Variants in A2M observed in about 807,000 individuals in gnomAD.
A2M encodes the protein alpha-2-macroglobulin.
In A2M, 128 loss-of-function variants were observed where a neutral mutation model predicts 183.9. That is an observed-to-expected ratio of 0.70 (90% CI 0.60 to 0.81). A2M has a LOEUF of 0.81. A2M is among the 30% of genes least tolerant of loss of function. A2M has a pLI of 0.00. For synonymous variants in A2M, 592 were observed against 670.8 expected (o/e 0.88, Z 1.81); for missense variants, 1,495 against 1,787.6 (o/e 0.84, Z 2.95).
At chr12:9,069,373 G>GT (rs1421851441) in intron 33 of A2M, among the ~76,000 whole-genome samples, 1 of 151,924 alleles carries the variant, frequency 6.6e-6, no homozygotes. Flanking sequence ...GAGACTGACA[G>GT]TTTTTTTTCC....
chr12:9,105,958 G>A (rs1362026931), intron 10 of A2M, among the ~76,000 whole-genome samples: 2 of 152,102 alleles, frequency 1.3e-5, no homozygotes, highest in African/African-American at 4.8e-5. Flanking sequence ...TGAGTGACTT[G>A]TACAATGCTG....
intron 17 of A2M, among the ~76,000 whole-genome samples, chr12:9,094,091 G>A (rs1323483107): frequency 6.6e-6 from 1 of 151,938 alleles, no homozygotes; most frequent in African/African-American, 2.4e-5. Context: ...ACACAAGGCC[G>A]TGAAGAGGGG....
chr12:9,078,786 C>T (rs1425571910), intron 25 of A2M, among the ~76,000 whole-genome samples: 2 of 152,174 alleles, frequency 1.3e-5, no homozygotes, highest in Non-Finnish European at 2.9e-5. Flanking sequence ...TTTAATATTG[C>T]TTTACTTTAG....
At chr12:9,110,250 A>C in intron 5 of A2M, 64 bp downstream of exon 5, 1 of 1,323,146 alleles carries the variant, frequency 7.6e-7, no homozygotes, top group Non-Finnish European at 1.0e-6. Context: ...AAACCTCTGA[A>C]ATAAGAACAT....
At chr12:9,094,422 T>C (rs958016758) in intron 17 of A2M, among the ~76,000 whole-genome samples, 55 of 148,162 alleles carry the variant, frequency 3.7e-4, no homozygotes, top group African/African-American at 1.3e-3. Context: ...TAAAGGATTA[T>C]ACAATATAAT....
intron 27 of A2M, 147 bp from the exon 28 acceptor site, chr12:9,077,083 T>C: frequency 2.7e-6 from 2 of 735,190 alleles, no homozygotes; most frequent in Non-Finnish European, 4.2e-6. Flanking sequence ...AATATTATTT[T>C]TATCTGTTAT....
At chr12:9,106,695 G>A in intron 8 of A2M, 90 bp from the exon 9 acceptor site, 52 of 598,272 alleles carry the variant, frequency 8.7e-5, no homozygotes, top group Middle Eastern at 8.6e-4. Flanking sequence ...TTTTGTGGGG[G>A]GACAACATCA....
intron 29 of A2M, 37 bp from the exon 30 acceptor site, chr12:9,072,908 A>AT: frequency 6.4e-7 from 1 of 1,563,576 alleles, no homozygotes; most frequent in Non-Finnish European, 8.8e-7. Flanking sequence ...CCCATTGGGC[A>AT]TTATAAGGCT....
chr12:9,068,240 C>T lies in A2M; in HGVS notation c.4367-16G>A, dbSNP rs770979861. 1.3e-6 allele frequency: 2 copies of T among 1,574,654 alleles called. No individual in the cohort carries two copies. The highest frequency in any genetic ancestry group is 1.7e-6 in the Non-Finnish European group (2 of 1,161,452). Reference sequence around the variant, plus strand: ...GCAAACTCATCTGAAAAAAAAAAAACCAACAAAAAACCAGAAATCATTACA... The same window carrying T: ...GCAAACTCATCTGAAAAAAAAAAAATCAACAAAAAACCAGAAATCATTACA... On this transcript the variant is annotated splice_polypyrimidine_tract_variant and intron_variant, in intron 34 of 35. Transcript: ENST00000318602.
intron 10 of A2M, among the ~76,000 whole-genome samples, chr12:9,105,628 A>G (rs1318214129): frequency 6.6e-6 from 1 of 152,224 alleles, no homozygotes; most frequent in African/African-American, 2.4e-5. Context: ...AAAAATTGTA[A>G]GAGAAGATTT....
intron 11 of A2M, 85 bp downstream of exon 11, chr12:9,104,154 A>G: frequency 7.3e-7 from 1 of 1,376,038 alleles, no homozygotes; most frequent in Non-Finnish European, 9.9e-7. Flanking sequence ...AGAACTAGAC[A>G]CAGTTTGGAA....
Position 9,088,060 on chromosome 12 carries a change from T to C in A2M, c.2770+1140A>G, listed in dbSNP as rs528719724. ...AAAGACCTAGATCTACAATTTAACA[T>C]AGGTAAATCTCCAAGACAGGATGCT... On this transcript the variant is annotated intron_variant, in intron 22 of 35. Transcript: ENST00000318602. Among the ~76,000 whole-genome samples the C allele has an allele frequency of 1.1e-3, 172 of 152,240 alleles. 1 individual carries two copies. The highest frequency in any genetic ancestry group is 3.9e-3 in the African/African-American group (164 of 41,570).
In A2M at chr12:9,074,462, T is replaced by A. The variant is rs1805660; in HGVS notation, c.3756+98A>T. The A allele has an allele frequency of 0.34, 393,595 of 1,167,828 alleles. 69,986 individuals carry two copies. Among genetic ancestry groups the A allele is most frequent in the African/African-American group, 0.49 (31,226 of 64,326 alleles). The allele number at this position is 1,167,828 out of a possible 1,614,324, so 72.3% of individuals were successfully genotyped here. On this transcript the variant is annotated intron_variant, in intron 29 of 35. Coordinates refer to ENST00000318602, the MANE Select transcript of A2M (RefSeq NM_000014.6). Reference sequence around the variant, plus strand: ...AACTTTTCCTCATTTCAAGTTACTGTCATCTGTATTTTTTTCTTCTTGGAT... The same window carrying A: ...AACTTTTCCTCATTTCAAGTTACTGACATCTGTATTTTTTTCTTCTTGGAT...
intron 15 of A2M, among the ~76,000 whole-genome samples, chr12:9,097,557 C>T (rs761448868): frequency 7.9e-5 from 12 of 151,972 alleles, no homozygotes; most frequent in Non-Finnish European, 1.6e-4. Context: ...AAGTTTTGTT[C>T]CTCAGAGATA....
intron 31 of A2M, 34 bp downstream of exon 31, chr12:9,072,322 ATTC>A: frequency 6.2e-7 from 1 of 1,605,624 alleles, no homozygotes; most frequent in Non-Finnish European, 8.5e-7. Flanking sequence ...ACTGGTGGTT[ATTC>A]TTAGGATTAG....
chr12:9,095,674 G>A lies in A2M; in HGVS notation c.1878C>T (p.Asp626=). The change falls in exon 16 of 36, where the codon GAC becomes GAT. Residue 626 remains aspartate, a synonymous_variant. Transcript: ENST00000318602. ...TCAAAGGCCCAGGGAAGCCAGTGAG[G>A]TCCTTTTCTGGTAGCAGGTTGTAAA... ...SSVYNLLPEK[D]LTGFPGPLND... The A allele has an allele frequency of 1.2e-6, 2 of 1,610,126 alleles. No individual in the cohort carries two copies. The highest frequency in any genetic ancestry group is 1.7e-6 in the Non-Finnish European group (2 of 1,178,294).
At chr12:9,095,991 C>T (rs1392310269) in intron 15 of A2M, among the ~76,000 whole-genome samples, 1 of 151,242 alleles carries the variant, frequency 6.6e-6, no homozygotes, top group East Asian at 1.9e-4. Context: ...GATCTCCTGA[C>T]CTCATGATCC....
At chr12:9,116,123 C>T (rs1939101405), upstream of A2M, 2 of 421,740 alleles carry the variant, frequency 4.7e-6, no homozygotes, top group South Asian at 4.1e-5. Context: ...CCCGTAAGAG[C>T]TCACTTTTAC....
At chr12:9,094,921 T>G in intron 17 of A2M, 52 bp downstream of exon 17, 2 of 1,023,646 alleles carry the variant, frequency 2.0e-6, no homozygotes, top group Non-Finnish European at 2.7e-6. Flanking sequence ...TTAAAAAATT[T>G]AAAATTTGGT....
Sources: gnomAD v4.1 joint callset for allele counts (sites outside exome capture counted in the v4.1 genomes callset) on GRCh38, gnomAD v4.1.1 for gene constraint, MANE v1.5 for transcripts, NCBI Gene and HGNC (gene_info 2026-07-23, HGNC 2026-07-21) for gene names.